Variants in TIMM23B observed in about 807,000 individuals in gnomAD.
TIMM23B encodes translocase of inner mitochondrial membrane 23 homolog B, also known as mitochondrial import inner membrane translocase subunit Tim23B.
In TIMM23B, 27 loss-of-function variants were observed where a neutral mutation model predicts 27.3. That is an observed-to-expected ratio of 0.99 (90% CI 0.73 to 1.36). The LOEUF (loss-of-function observed/expected upper bound fraction) is 1.36. Among genes scored for constraint, TIMM23B ranks in the 40% most tolerant of loss-of-function variants. The pLI, the probability that TIMM23B is intolerant of heterozygous loss-of-function variation, is 0.00. For missense variants in TIMM23B, 205 were observed against 244.2 expected, an observed-to-expected ratio of 0.84 and a Z score of 1.07; for synonymous variants, 73 against 92.4, an observed-to-expected ratio of 0.79 and a Z score of 1.21.
intron 6 of TIMM23B, among the ~76,000 whole-genome samples, chr10:49,968,668 A>C (rs1366655294): frequency 2.0e-5 from 3 of 152,262 alleles, no homozygotes; most frequent in Admixed American, 2.0e-4. Context: ...CCCCGTCTCT[A>C]CTGAAAATAC....
intron 6 of TIMM23B, among the ~76,000 whole-genome samples, chr10:49,958,919 G>A (rs1329392320): frequency 1.3e-5 from 2 of 152,144 alleles, no homozygotes; most frequent in Admixed American, 1.3e-4. Flanking sequence ...CATCCATATT[G>A]TTGCGTGTGC....
At chr10:49,955,230 C>T (rs1285534257) in intron 5 of TIMM23B, among the ~76,000 whole-genome samples, 170 bp downstream of exon 5, 16 of 152,188 alleles carry the variant, frequency 1.1e-4, no homozygotes, top group East Asian at 1.9e-4. Flanking sequence ...CATGAACTAA[C>T]TTATGAAATA....
Position 49,942,241 on chromosome 10 carries a change from C to T in TIMM23B, c.47C>T (p.Ala16Val). The T allele has an allele frequency of 7.4e-6, 12 of 1,612,680 alleles. No homozygotes were observed. Among genetic ancestry groups the T allele is most frequent in the Non-Finnish European group, 1.0e-5 (12 of 1,179,352 alleles). The change falls in exon 1 of 7, where the codon GCC (alanine) becomes GTC (valine). Residue 16 changes from alanine (A) to valine (V), a missense_variant. Transcript: ENST00000651259. The stretch of plus-strand genomic sequence containing the variant: ...GGCGACAAAACCACAGGGGTATTGG[C>T]CGGCTTTTTCGGAGCCGGCGAAGCA... Reference protein sequence around the residue: ...GSGDKTTGVLAGFFGAGEAGY... With the variant: ...GSGDKTTGVLVGFFGAGEAGY...
chr10:49,947,604 G>A (rs1374809915), intron 2 of TIMM23B, among the ~76,000 whole-genome samples: 190 of 150,276 alleles, frequency 1.3e-3, no homozygotes, highest in Admixed American at 1.9e-3. Context: ...AGTAAGACTC[G>A]GTCTCAAAAA....
chr10:49,951,216 A>T (rs1205337179), intron 2 of TIMM23B, among the ~76,000 whole-genome samples: 2 of 152,186 alleles, frequency 1.3e-5, no homozygotes, highest in Non-Finnish European at 2.9e-5. Flanking sequence ...TTAGGAATAC[A>T]GTTTTCTGAA....
At chr10:49,942,466 TAGA>T (rs1839153606) in intron 1 of TIMM23B, among the ~76,000 whole-genome samples, 166 bp downstream of exon 1, 1 of 152,056 alleles carries the variant, frequency 6.6e-6, no homozygotes, top group African/African-American at 2.4e-5. Flanking sequence ...TCTTTCAAGA[TAGA>T]AAGGCCTAAA....
intron 1 of TIMM23B, among the ~76,000 whole-genome samples, 155 bp downstream of exon 1, chr10:49,942,455 C>T (rs1329776683): frequency 6.6e-6 from 1 of 152,082 alleles, no homozygotes; most frequent in African/African-American, 2.4e-5. Flanking sequence ...TGCATGGCTG[C>T]TCTTTCAAGA....
rs1174764863 is a variant in TIMM23B at position 49,952,178 on chromosome 10, T to G, written c.218T>G (p.Phe73Cys). 16 of 1,605,654 alleles carry G rather than the reference T, an allele frequency of 1.0e-5. No homozygotes were observed. Among genetic ancestry groups the G allele is most frequent in the Non-Finnish European group, 1.1e-5 (13 of 1,172,244 alleles). Residue 73 changes from phenylalanine to cysteine, a missense_variant, in exon 3 of 7, where the codon TTT becomes TGT. By Grantham distance (205) the Phe-to-Cys change is radical (BLOSUM62 -2). Coordinates refer to ENST00000651259, the MANE Select transcript of TIMM23B (RefSeq NM_001290117.2). ...GGAGCTAATAAAACCTGGGGCAGAT[T>G]TGAGCTGGCCTTCTTTACGATTGGA... ...PTGANKTWGR[F>C]ELAFFTIGGC...
intron 2 of TIMM23B, among the ~76,000 whole-genome samples, chr10:49,946,855 A>G (rs1245143614): frequency 2.0e-5 from 3 of 150,482 alleles, no homozygotes; most frequent in African/African-American, 7.4e-5. Context: ...AGAATGGCCA[A>G]TGACCTTGAG....
chr10:49,946,019 G>T (rs1466382201), intron 2 of TIMM23B, among the ~76,000 whole-genome samples: 4 of 152,234 alleles, frequency 2.6e-5, no homozygotes, highest in African/African-American at 9.6e-5. Context: ...GCGAAACGCT[G>T]TTTCTACTAA....
At chr10:49,954,381 T>G (rs1279872062) in intron 4 of TIMM23B, 1 of 392,786 alleles carries the variant, frequency 2.5e-6, no homozygotes, top group Non-Finnish European at 5.1e-6. Context: ...AGCATTCACC[T>G]TGGCTGCTTG....
rs1840526430 is a variant in TIMM23B at position 49,973,193 on chromosome 10, A to G, written c.*129A>G. The stretch of plus-strand genomic sequence containing the variant: ...CACCTCTGACTTTTCCATGGAATGG[A>G]CAAGTAGTAGTCTCTGTCAGAGCTA... On this transcript the variant is annotated 3_prime_UTR_variant, in exon 7 of 7. Transcript: ENST00000651259. 1 of 595,610 alleles carries G rather than the reference A, an allele frequency of 1.7e-6. No homozygotes were observed. Among genetic ancestry groups the G allele is most frequent in the East Asian group, 2.8e-5 (1 of 36,302 alleles). The allele number at this position is 595,610 out of a possible 1,614,324, so 36.9% of individuals were successfully genotyped here.
intron 5 of TIMM23B, among the ~76,000 whole-genome samples, chr10:49,957,486 G>A (rs1330080056): frequency 2.0e-5 from 3 of 152,048 alleles, no homozygotes; most frequent in African/African-American, 7.2e-5. Flanking sequence ...TGACTCCTGG[G>A]CTTATGTGAT....
At chr10:49,944,353 T>C (rs1353892247) in intron 1 of TIMM23B, among the ~76,000 whole-genome samples, 3 of 152,076 alleles carry the variant, frequency 2.0e-5, no homozygotes, top group Admixed American at 6.6e-5. Flanking sequence ...GGACTCCTAA[T>C]TGATGAAAAG....
chr10:49,966,668 TAAAA>T (rs1170500622), intron 6 of TIMM23B, among the ~76,000 whole-genome samples: 1 of 151,228 alleles, frequency 6.6e-6, no homozygotes, highest in African/African-American at 2.5e-5. Flanking sequence ...TCTACTAAAA[TAAAA>T]AAACTAGCCG....
In TIMM23B at chr10:49,959,748, T is replaced by C. The variant is rs1430350111; in HGVS notation, c.514+1268T>C. 1.0e-3 allele frequency among the ~76,000 whole-genome samples: 157 copies of C among 152,224 alleles called. 4 individuals are homozygous for C. The South Asian group carries it at 0.03, about 29-fold the overall frequency. The stretch of plus-strand genomic sequence containing the variant: ...TTTTCCCAAAGGCAACTTTTAATTT[T>C]TTTTTTTTTCTTTCTTTTTTGAGAT... On this transcript the variant is annotated intron_variant, in intron 6 of 6. Coordinates refer to ENST00000651259, the MANE Select transcript of TIMM23B (RefSeq NM_001290117.2).
chr10:49,973,241 C>G lies in TIMM23B; in HGVS notation c.*177C>G, dbSNP rs1478505340. On this transcript the variant is annotated 3_prime_UTR_variant, in exon 7 of 7. Transcript: ENST00000651259. ...CTACATTTTAAAGGAGAAAAAGAAACGTGAAGTCATGAACTGTTTATTTAT... is the reference window on the plus strand; with the variant it reads ...CTACATTTTAAAGGAGAAAAAGAAAGGTGAAGTCATGAACTGTTTATTTAT... 2.7e-5 allele frequency: 14 copies of G among 521,514 alleles called. No homozygotes were observed. Among genetic ancestry groups the G allele is most frequent in the Non-Finnish European group, 4.4e-5 (13 of 294,302 alleles). 32.3% of individuals were successfully genotyped at this position (521,514 alleles called of 1,614,324 possible).
intron 1 of TIMM23B, among the ~76,000 whole-genome samples, chr10:49,943,937 T>G (rs1306749592): frequency 1.3e-5 from 2 of 151,950 alleles, no homozygotes; most frequent in African/African-American, 4.8e-5. Context: ...CTCAAGGGAG[T>G]TGACATTTGA....
chr10:49,955,796 G>A (rs1319381483), intron 5 of TIMM23B, among the ~76,000 whole-genome samples: 1 of 152,182 alleles, frequency 6.6e-6, no homozygotes, highest in Non-Finnish European at 1.5e-5. Flanking sequence ...GTAAGGTCCT[G>A]CCTTGTCACA....
Sources: allele counts gnomAD v4.1 joint callset (sites outside exome capture counted in the v4.1 genomes callset), GRCh38; gene constraint gnomAD v4.1.1; transcripts MANE v1.5; gene names NCBI Gene and HGNC (gene_info 2026-07-23, HGNC 2026-07-21).